Variants in NCALD observed in about 807,000 individuals in gnomAD.
The protein encoded by NCALD is neurocalcin-delta.
Under a neutral mutation model 18.6 loss-of-function variants are expected in NCALD, and 10 were observed. The ratio of observed to expected loss-of-function variants is 0.54; its 90% CI spans 0.33 to 0.91. The LOEUF is 0.91. Ranked by LOEUF, NCALD falls within the 40% of genes least tolerant of loss-of-function variation. The pLI is 0.03. For synonymous variants in NCALD, 88 were observed against 87.4 expected (o/e 1.01, Z -0.04); for missense variants, 184 against 247.6 (o/e 0.74, Z 1.72).
intron 4 of NCALD, among the ~76,000 whole-genome samples, chr8:101,796,461 C>T (rs56832481): frequency 0.016 from 2,404 of 152,104 alleles, 54 homozygotes; most frequent in African/African-American, 0.055. Context: ...ATATGGCAAA[C>T]TGGAGAATCC....
chr8:101,693,337 T>TTG (rs1814832339), intron 2 of NCALD: 2 of 105,282 alleles, frequency 1.9e-5, no homozygotes, highest in Non-Finnish European at 2.1e-5. Flanking sequence ...TTTTTTTTTT[T>TTG]TTTTTTTTTT....
intron 1 of NCALD, among the ~76,000 whole-genome samples, chr8:102,096,694 T>C (rs1825114551): frequency 6.6e-6 from 1 of 152,204 alleles, no homozygotes; most frequent in Non-Finnish European, 1.5e-5. Flanking sequence ...TTACATGAGG[T>C]GAGCACCAAG....
At chr8:102,040,107 G>A (rs912697186) in intron 1 of NCALD, among the ~76,000 whole-genome samples, 1 of 152,150 alleles carries the variant, frequency 6.6e-6, no homozygotes, top group Non-Finnish European at 1.5e-5. Flanking sequence ...AGGGGTTTGT[G>A]AGCATTAAAT....
intron 1 of NCALD, among the ~76,000 whole-genome samples, chr8:102,043,682 AGACGAG>A (rs1333037705): frequency 7.3e-6 from 1 of 137,458 alleles, no homozygotes; most frequent in African/African-American, 2.7e-5. Context: ...AGGAGGAGGA[AGACGAG>A]GAGGAGGAGG....
chr8:102,040,278 A>G (rs948049961), intron 1 of NCALD, among the ~76,000 whole-genome samples: 2 of 152,170 alleles, frequency 1.3e-5, no homozygotes, highest in Non-Finnish European at 2.9e-5. Context: ...GTTTGAGACC[A>G]GCCTGGCCAA....
intron 4 of NCALD, among the ~76,000 whole-genome samples, chr8:101,837,689 C>A (rs562371963): frequency 6.6e-6 from 1 of 152,242 alleles, no homozygotes; most frequent in East Asian, 1.9e-4. Context: ...ACAACCCTAC[C>A]ACAAAACACC....
intron 1 of NCALD, among the ~76,000 whole-genome samples, chr8:101,737,426 C>T (rs912931366): frequency 6.6e-6 from 1 of 152,152 alleles, no homozygotes; most frequent in Non-Finnish European, 1.5e-5. Context: ...CTGTTCAAGT[C>T]ATGTCCTTTC....
chr8:101,715,254 G>A (rs1472684233), intron 2 of NCALD, among the ~76,000 whole-genome samples: 2 of 152,162 alleles, frequency 1.3e-5, no homozygotes, highest in African/African-American at 4.8e-5. Flanking sequence ...AATAAATGGT[G>A]TTAGGAAAAC....
At position 101,958,770 on chromosome 8, in the gene NCALD, C is replaced by T. The variant is rs558683561; in HGVS notation, c.-156-42912G>A. Reference sequence around the variant, plus strand: ...CTGGTTTCAGAGCTAGCATGCTTCACAAGGTTTCAGTATAAATACAACTGG... The same window carrying T: ...CTGGTTTCAGAGCTAGCATGCTTCATAAGGTTTCAGTATAAATACAACTGG... On this transcript the variant is annotated intron_variant, in intron 2 of 6. Transcript: ENST00000311028. Among the ~76,000 whole-genome samples the T allele has an allele frequency of 1.2e-4, 19 of 152,218 alleles. No individual in the cohort carries two copies. The South Asian group carries it at 3.9e-3, about 32-fold the overall frequency.
chr8:102,093,028 T>A (rs1433019477), intron 1 of NCALD, among the ~76,000 whole-genome samples: 1 of 152,084 alleles, frequency 6.6e-6, no homozygotes, highest in Non-Finnish European at 1.5e-5. Context: ...AGTCACTATT[T>A]ACACCTGTAG....
intron 2 of NCALD, 181 bp from the exon 3 acceptor site, chr8:101,693,077 C>T: frequency 2.0e-6 from 1 of 511,900 alleles, no homozygotes. Context: ...GCCCACAAAG[C>T]TTGTTCTCCT....
At chr8:101,764,441 C>A (rs1346794723) in intron 1 of NCALD, among the ~76,000 whole-genome samples, 1 of 152,116 alleles carries the variant, frequency 6.6e-6, no homozygotes, top group Non-Finnish European at 1.5e-5. Context: ...GCATTTTTAG[C>A]AATATAGTGG....
At chr8:101,798,859 A>G (rs530634167) in intron 4 of NCALD, among the ~76,000 whole-genome samples, 1 of 152,368 alleles carries the variant, frequency 6.6e-6, no homozygotes, top group South Asian at 2.1e-4. Flanking sequence ...CCACATAAAT[A>G]TGACCAATGG....
At chr8:102,114,078 C>T (rs1456258545) in intron 1 of NCALD, among the ~76,000 whole-genome samples, 1 of 152,216 alleles carries the variant, frequency 6.6e-6, no homozygotes, top group African/African-American at 2.4e-5. Flanking sequence ...GCATGATGCC[C>T]ACGTGATCTC....
intron 1 of NCALD, among the ~76,000 whole-genome samples, chr8:101,749,420 G>T (rs1431965818): frequency 6.6e-6 from 1 of 152,174 alleles, no homozygotes; most frequent in East Asian, 1.9e-4. Flanking sequence ...AGTTCTGGGG[G>T]CCTCTGGAAC....
At chr8:102,043,610 T>TA (rs1336045595) in intron 1 of NCALD, among the ~76,000 whole-genome samples, 2 of 150,890 alleles carry the variant, frequency 1.3e-5, no homozygotes, top group Non-Finnish European at 2.9e-5. Flanking sequence ...GTTAGGCGGT[T>TA]AGTTAGGAGC....
At chr8:101,789,384 G>A (rs985673611) in intron 1 of NCALD, among the ~76,000 whole-genome samples, 3 of 152,150 alleles carry the variant, frequency 2.0e-5, no homozygotes, top group African/African-American at 4.8e-5. Flanking sequence ...AATCCTCCAC[G>A]GAGACCCTGA....
intron 1 of NCALD, among the ~76,000 whole-genome samples, chr8:101,733,356 C>G (rs1271323494): frequency 6.6e-6 from 1 of 152,196 alleles, no homozygotes; most frequent in African/African-American, 2.4e-5. Context: ...AACAACTCCA[C>G]TGAAGTTCTA....
chr8:101,889,705 G>A (rs1171958049), intron 3 of NCALD, among the ~76,000 whole-genome samples: 1 of 152,164 alleles, frequency 6.6e-6, no homozygotes, highest in Non-Finnish European at 1.5e-5. Flanking sequence ...TTATTTCGAG[G>A]CTACCTAAGG....
Sources: gnomAD v4.1 joint callset for allele counts (sites outside exome capture counted in the v4.1 genomes callset) on GRCh38, gnomAD v4.1.1 for gene constraint, MANE v1.5 for transcripts, NCBI Gene and HGNC (gene_info 2026-07-23, HGNC 2026-07-21) for gene names.